The following LPL variants were observed in gnomAD, a reference collection of about 807,000 sequenced individuals.
LPL encodes lipoprotein lipase.
LPL carries 43 observed loss-of-function variants against 52.2 expected under a neutral mutation model. That is an observed-to-expected ratio of 0.82 (90% CI 0.64 to 1.06). LPL has a LOEUF of 1.06. Among genes scored for constraint, LPL ranks in the 50% least tolerant of loss-of-function variants. The probability of loss-of-function intolerance (pLI) is 0.00; values close to 1 mark genes in which losing one functional copy is unlikely to be tolerated. For synonymous variants in LPL, 244 were observed against 215.6 expected, an observed-to-expected ratio of 1.13 and a Z score of -1.15; for missense variants, 639 against 585.3, an observed-to-expected ratio of 1.09 and a Z score of -0.95.
intron 8 of LPL, 115 bp downstream of exon 8, chr8:19,961,198 T>C (rs568355212): frequency 2.3e-6 from 2 of 852,078 alleles, no homozygotes; most frequent in Admixed American, 4.6e-5. Context: ...ACCTTGTATT[T>C]ATTACTGTAT....
intron 1 of LPL, among the ~76,000 whole-genome samples, chr8:19,943,127 T>C (rs1751904181): frequency 6.6e-6 from 1 of 152,236 alleles, no homozygotes; most frequent in Non-Finnish European, 1.5e-5. Flanking sequence ...CACTTTGGTG[T>C]GTGCGCTCAT....
At position 19,951,844 on chromosome 8, in the gene LPL, A is replaced by G. The variant is rs537745634; in HGVS notation, c.325A>G (p.Ile109Val). 6.2e-7 allele frequency: 1 copy of G among 1,614,152 alleles called. No individual in the cohort carries two copies. Among genetic ancestry groups the G allele is most frequent in the East Asian group, 2.2e-5 (1 of 44,856 alleles). The stretch of plus-strand genomic sequence containing the variant: ...CAAGAGAGAACCAGACTCCAATGTC[A>G]TTGTGGTGGACTGGCTGTCACGGGC... ...LYKREPDSNV[I>V]VVDWLSRAQE... The change falls in exon 3 of 10, where the codon ATT becomes GTT. Residue 109 changes from isoleucine (I) to valine (V), a missense_variant. Coordinates refer to ENST00000650287, the MANE Select transcript of LPL (RefSeq NM_000237.3).
intron 5 of LPL, 73 bp downstream of exon 5, chr8:19,954,426 T>G: frequency 7.0e-7 from 1 of 1,418,944 alleles, no homozygotes. Context: ...TCCTACTCAG[T>G]AGCTTCAAAG....
intron 2 of LPL, 44 bp downstream of exon 2, chr8:19,948,384 T>A: frequency 6.2e-7 from 1 of 1,609,570 alleles, no homozygotes; most frequent in South Asian, 1.1e-5. Flanking sequence ...GGTGGTGAGG[T>A]ATCCTGACTG....
Position 19,939,365 on chromosome 8 carries a change from C to T in LPL, c.-76C>T. 6.9e-7 allele frequency: 1 copy of T among 1,441,816 alleles called. No individual in the cohort carries two copies. The highest frequency in any genetic ancestry group is 1.2e-5 in the South Asian group (1 of 82,006). The allele number at this position is 1,441,816 out of a possible 1,614,324, so 89.3% of individuals were successfully genotyped here. A position where few individuals can be genotyped will look rare whatever the true frequency, so the allele number is the denominator to read the frequency against. ...CTCAGCGCCAAACCGCGGCTCCAGC[C>T]CTCTCCAGCCTCCGGCTCAGCCGGC... On this transcript the variant is annotated 5_prime_UTR_variant, in exon 1 of 10. Coordinates refer to ENST00000650287, the MANE Select transcript of LPL (RefSeq NM_000237.3). This position sits in a 1 kb window ranked among gnomAD's most constrained non-coding sequence, Gnocchi z 4.0.
At chr8:19,962,977 GC>G (rs2128839967) in intron 9 of LPL, among the ~76,000 whole-genome samples, 1 of 152,242 alleles carries the variant, frequency 6.6e-6, no homozygotes, top group African/African-American at 2.4e-5. Context: ...CACATCCCCT[GC>G]CAGACAGCAA....
Position 19,950,892 on chromosome 8 carries a change from A to AGGAATGAAGGAAGGAAGGAC in LPL, c.250-858_250-857insCGGAATGAAGGAAGGAAGGA, listed in dbSNP as rs2069928307. On this transcript the variant is annotated intron_variant, in intron 2 of 9. Transcript: ENST00000650287. This position sits in a 1 kb window ranked among gnomAD's most constrained non-coding sequence, Gnocchi z 4.2. ...GAAGGAGGGAGGGAGGAAGGAAGGA[A>AGGAATGAAGGAAGGAAGGAC]GGAATGAAGGAAGGAAGGAAGGAAT... Among the ~76,000 whole-genome samples, 1 of 148,950 alleles carries AGGAATGAAGGAAGGAAGGAC rather than the reference A, an allele frequency of 6.7e-6. No individual in the cohort carries two copies. Among genetic ancestry groups the AGGAATGAAGGAAGGAAGGAC allele is most frequent in the African/African-American group, 2.5e-5 (1 of 40,612 alleles).
chr8:19,956,280 G>T (rs1395061752), intron 6 of LPL, among the ~76,000 whole-genome samples, 197 bp downstream of exon 6: 5 of 152,150 alleles, frequency 3.3e-5, no homozygotes, highest in Non-Finnish European at 5.9e-5. Flanking sequence ...TGTCAGCAAG[G>T]TCCCAGTGCT....
rs2070077154 is a variant in LPL at position 19,965,394 on chromosome 8, C to G, written c.*84C>G. On this transcript the variant is annotated 3_prime_UTR_variant, in exon 10 of 10. Coordinates refer to ENST00000650287, the MANE Select transcript of LPL (RefSeq NM_000237.3). ...AGGAAGTAACTTTTACAAAACATAC[C>G]CAGTGTTTGGGGTGTTTCAAAAGTG... is the stretch of plus-strand genomic sequence containing the variant. 2 of 777,046 alleles carry G rather than the reference C, an allele frequency of 2.6e-6. No homozygotes were observed. The highest frequency in any genetic ancestry group is 4.8e-6 in the Non-Finnish European group (2 of 416,884). The allele number at this position is 777,046 out of a possible 1,614,324, so 48.1% of individuals were successfully genotyped here.
Position 19,939,598 on chromosome 8 carries a change from A to T in LPL, c.88+70A>T. The T allele has an allele frequency of 6.7e-7, 1 of 1,483,560 alleles. No homozygotes were observed. The highest frequency in any genetic ancestry group is 2.4e-5 in the East Asian group (1 of 41,408). The allele number at this position is 1,483,560 out of a possible 1,614,324, so 91.9% of individuals were successfully genotyped here. ...GTGGCCACTGCCACCCGAACTGAGG[A>T]TGAGAAGAAGGAAGTTGGAAGGGGC... On this transcript the variant is annotated intron_variant, in intron 1 of 9. Transcript: ENST00000650287. The surrounding 1 kb of genome is among the most constrained non-coding windows in gnomAD (Gnocchi z 4.0).
In LPL at chr8:19,953,256, T is replaced by C. The variant is rs1320226440; in HGVS notation, c.430-54T>C. 18 of 1,045,548 alleles carry C rather than the reference T, an allele frequency of 1.7e-5. No homozygotes were observed. The East Asian group carries it at 4.3e-4, about 25-fold the overall frequency. The allele number at this position is 1,045,548 out of a possible 1,614,324, so 64.8% of individuals were successfully genotyped here. ...ATATTTATATTCATTTTGTTTCTTT[T>C]AGTTTTATTTTTGGCAGAACTGTAA... is the stretch of plus-strand genomic sequence containing the variant. On this transcript the variant is annotated intron_variant, in intron 3 of 9. Coordinates refer to ENST00000650287, the MANE Select transcript of LPL (RefSeq NM_000237.3).
At chr8:19,941,380 T>C (rs924598460) in intron 1 of LPL, among the ~76,000 whole-genome samples, 1 of 152,100 alleles carries the variant, frequency 6.6e-6, no homozygotes, top group East Asian at 1.9e-4. Context: ...CACATTCAAG[T>C]TTTTCCTAGG....
chr8:19,956,465 T>TA (rs274), intron 6 of LPL, among the ~76,000 whole-genome samples: 3,018 of 152,266 alleles, frequency 0.02, 103 homozygotes, highest in African/African-American at 0.068. Flanking sequence ...ATAGTTTTTT[T>TA]AAAACTTTTA....
chr8:19,961,708 A>G (rs753420962), intron 8 of LPL, among the ~76,000 whole-genome samples: 3 of 152,212 alleles, frequency 2.0e-5, no homozygotes, highest in East Asian at 1.9e-4. Flanking sequence ...CAAACAAAAA[A>G]AAAAAGAAAA....
At chr8:19,953,788 T>C (rs146360346) in intron 4 of LPL, among the ~76,000 whole-genome samples, 1 of 152,258 alleles carries the variant, frequency 6.6e-6, no homozygotes, top group East Asian at 1.9e-4. Flanking sequence ...AAGAAGACCG[T>C]CATCTAGGCA....
In LPL at chr8:19,939,284, C is replaced by G. The variant is rs1487854151; in HGVS notation, c.-157C>G. Reference sequence around the variant, plus strand: ...CTCGATTCCCCCTCTTCCTCCTCCTCAAGGGAAAGCTGCCCACTTCTAGCT... The same window carrying G: ...CTCGATTCCCCCTCTTCCTCCTCCTGAAGGGAAAGCTGCCCACTTCTAGCT... On this transcript the variant is annotated 5_prime_UTR_variant, in exon 1 of 10. Transcript: ENST00000650287. The surrounding 1 kb of genome is among the most constrained non-coding windows in gnomAD (Gnocchi z 4.0). 1 of 650,240 alleles carries G rather than the reference C, an allele frequency of 1.5e-6. No individual in the cohort carries two copies. Among genetic ancestry groups the G allele is most frequent in the Non-Finnish European group, 2.7e-6 (1 of 366,816 alleles). The allele number at this position is 650,240 out of a possible 1,614,324, so 40.3% of individuals were successfully genotyped here.
chr8:19,959,485 T>C (rs2070018140), intron 7 of LPL, 105 bp downstream of exon 7: 3 of 1,398,348 alleles, frequency 2.1e-6, no homozygotes. Flanking sequence ...AACAAGTCTT[T>C]AGTTAAAAAA....
chr8:19,948,400 C>A, intron 2 of LPL, 60 bp downstream of exon 2: 1 of 1,594,908 alleles, frequency 6.3e-7, no homozygotes, highest in Admixed American at 1.7e-5. Context: ...GACTGGCCTG[C>A]CCAATTGTTG....
chr8:19,958,530 T>C (rs1238230185), intron 6 of LPL, among the ~76,000 whole-genome samples: 4 of 152,164 alleles, frequency 2.6e-5, no homozygotes, highest in African/African-American at 9.7e-5. Flanking sequence ...GCAGTCCTTG[T>C]GGCCTCACTG....
Sources: gnomAD v4.1 joint callset for allele counts (sites outside exome capture counted in the v4.1 genomes callset) on GRCh38, gnomAD v4.1.1 for gene constraint, Gnocchi (gnomAD v3.1) non-coding constraint, MANE v1.5 for transcripts, NCBI Gene and HGNC (gene_info 2026-07-23, HGNC 2026-07-21) for gene names.